ZSWIM6: variants seen among roughly 807,000 people sequenced by gnomAD.
ZSWIM6 encodes zinc finger SWIM domain-containing protein 6.
In ZSWIM6, 9 loss-of-function variants were observed where a neutral mutation model predicts 113.2. That is an observed-to-expected ratio of 0.08 (90% CI 0.05 to 0.14). ZSWIM6 has a LOEUF of 0.14. Ranked by LOEUF, ZSWIM6 falls within the 10% of genes least tolerant of loss-of-function variation. The probability of loss-of-function intolerance (pLI) is 1.00; values close to 1 mark genes in which losing one functional copy is unlikely to be tolerated. For missense variants in ZSWIM6, 1,162 were observed against 1,552.2 expected (o/e 0.75, Z 4.22); for synonymous variants, 611 against 606.5 (o/e 1.01, Z -0.11).
chr5:61,512,358 T>G (rs1430417292), intron 4 of ZSWIM6, among the ~76,000 whole-genome samples: 1 of 152,196 alleles, frequency 6.6e-6, no homozygotes, highest in African/African-American at 2.4e-5. Context: ...TGTTTATCCA[T>G]TCACCAGTTG....
chr5:61,397,658 A>C (rs977281978), intron 1 of ZSWIM6, among the ~76,000 whole-genome samples: 8 of 152,232 alleles, frequency 5.3e-5, no homozygotes, highest in Non-Finnish European at 1.0e-4. Flanking sequence ...TACTAAAGGA[A>C]AATGTTAAAT....
At chr5:61,448,142 C>A (rs929002949) in intron 1 of ZSWIM6, among the ~76,000 whole-genome samples, 2 of 152,174 alleles carry the variant, frequency 1.3e-5, no homozygotes. Context: ...GGATCAATTT[C>A]TGTGTTTATT....
At chr5:61,525,219 C>G (rs1443389441) in intron 5 of ZSWIM6, among the ~76,000 whole-genome samples, 1 of 152,086 alleles carries the variant, frequency 6.6e-6, no homozygotes, top group Non-Finnish European at 1.5e-5. Context: ...CATTTATGCC[C>G]TTTGGGATAT....
intron 8 of ZSWIM6, 30 bp from the exon 9 acceptor site, chr5:61,531,435 A>G: frequency 6.5e-7 from 1 of 1,527,318 alleles, no homozygotes; most frequent in Non-Finnish European, 8.9e-7. Flanking sequence ...GTAGTTTCTG[A>G]GCTCTGATTT....
At chr5:61,358,382 A>T (rs544483136) in intron 1 of ZSWIM6, among the ~76,000 whole-genome samples, 36 of 152,180 alleles carry the variant, frequency 2.4e-4, no homozygotes, top group Non-Finnish European at 3.7e-4. Context: ...CTGTTATTTG[A>T]AGCAGTATTG....
At position 61,332,902 on chromosome 5, in the gene ZSWIM6, C is replaced by T; in HGVS notation, c.630C>T (p.Gly210=). The change falls in exon 1 of 14, where the codon GGC becomes GGT. Residue 210 remains glycine (G), a synonymous_variant. Transcript: ENST00000252744. ...AGACGCGGCTGCCTTTCCGCCGGGG[C>T]ATCGCGCTGTTGGAAAGCGGCTGCG... ...GDETRLPFRR[G]IALLESGCVD... 1 of 1,354,456 alleles carries T rather than the reference C, an allele frequency of 7.4e-7. No homozygotes were observed. Among genetic ancestry groups the T allele is most frequent in the Non-Finnish European group, 9.6e-7 (1 of 1,040,754 alleles). 83.9% of individuals were successfully genotyped at this position (1,354,456 alleles called of 1,614,324 possible).
At chr5:61,457,704 G>C (rs544561421) in intron 1 of ZSWIM6, among the ~76,000 whole-genome samples, 2 of 152,048 alleles carry the variant, frequency 1.3e-5, no homozygotes, top group South Asian at 4.2e-4. Context: ...TGTATTTTTA[G>C]TAGAGATGGG....
chr5:61,418,226 C>A (rs1369175802), intron 1 of ZSWIM6, among the ~76,000 whole-genome samples: 1 of 152,046 alleles, frequency 6.6e-6, no homozygotes, highest in Non-Finnish European at 1.5e-5. Context: ...AATTTTAACA[C>A]AAAGAAGGAT....
Position 61,428,539 on chromosome 5 carries a change from A to ATT in ZSWIM6, c.677-44129_677-44128dup, listed in dbSNP as rs11429841. Among the ~76,000 whole-genome samples the ATT allele has an allele frequency of 9.2e-3, 1,361 of 147,394 alleles. 14 individuals are homozygous for ATT. Among genetic ancestry groups the ATT allele is most frequent in the African/African-American group, 0.028 (1,112 of 40,098 alleles). The stretch of plus-strand genomic sequence containing the variant: ...CGCTACACGCAGCTAACTTAAAACA[A>ATT]TTTTTTTTTTTTTTATAGACAGGGT... On this transcript the variant is annotated intron_variant, in intron 1 of 13. Transcript: ENST00000252744.
rs893265246 is a variant in ZSWIM6, at chr5:61,342,604, A to G, written c.676+9656A>G. Among the ~76,000 whole-genome samples, 37 of 152,224 alleles carry G rather than the reference A, an allele frequency of 2.4e-4. 1 individual carries two copies. Among genetic ancestry groups the G allele is most frequent in the Admixed American group, 1.3e-4 (2 of 15,280 alleles). ...CCTATTCCAGAAGGTTTAGCTTTAC[A>G]GTGTGTTGCTACTTTCTAGAGTGAC... On this transcript the variant is annotated intron_variant, in intron 1 of 13. Coordinates refer to ENST00000252744, the MANE Select transcript of ZSWIM6 (RefSeq NM_020928.2).
rs1745473701 is a variant in ZSWIM6 at position 61,381,456 on chromosome 5, T to TC, written c.676+48510dup. Reference sequence around the variant, plus strand: ...GTGAAAATTATCTTCAGCATTTTTTTCCTTTATGACTCTATTGAATTTAAA... The same window carrying TC: ...GTGAAAATTATCTTCAGCATTTTTTTCCCTTTATGACTCTATTGAATTTAAA... On this transcript the variant is annotated intron_variant, in intron 1 of 13. Coordinates refer to ENST00000252744, the MANE Select transcript of ZSWIM6 (RefSeq NM_020928.2). 2.0e-5 allele frequency among the ~76,000 whole-genome samples: 3 copies of TC among 152,360 alleles called. No individual in the cohort carries two copies. The South Asian group carries it at 6.2e-4, about 32-fold the overall frequency.
intron 4 of ZSWIM6, among the ~76,000 whole-genome samples, chr5:61,512,429 T>C (rs1748813915): frequency 6.6e-6 from 1 of 152,174 alleles, no homozygotes; most frequent in South Asian, 2.1e-4. Context: ...ATAAACATTC[T>C]TGTACAAGTT....
Position 61,544,028 on chromosome 5 carries a change from G to C in ZSWIM6, c.3359G>C (p.Gly1120Ala). ...RCTLTTPGMV[G>A]LHGRRNSGKL... is the part of the protein sequence containing the mutation. ...ACTCTGACCACTCCTGGCATGGTGG[G>C]ACTTCATGGGAGGAGGAACTCTGGT... is the stretch of plus-strand genomic sequence containing the variant. Residue 1120 changes from glycine to alanine, a missense_variant, in exon 14 of 14, where the codon GGA becomes GCA. This residue lies in a region of ZSWIM6 where 113 missense variants were observed against 213.8 expected (regional missense o/e 0.53). Coordinates refer to ENST00000252744, the MANE Select transcript of ZSWIM6 (RefSeq NM_020928.2). The C allele has an allele frequency of 6.4e-7, 1 of 1,552,038 alleles. No homozygotes were observed. The highest frequency in any genetic ancestry group is 8.7e-7 in the Non-Finnish European group (1 of 1,147,068).
intron 1 of ZSWIM6, among the ~76,000 whole-genome samples, chr5:61,441,504 C>T (rs985118458): frequency 2.0e-5 from 3 of 152,146 alleles, no homozygotes. Flanking sequence ...TAAATGTATA[C>T]ATTTGAATAT....
At chr5:61,455,423 C>T (rs1747184644) in intron 1 of ZSWIM6, among the ~76,000 whole-genome samples, 1 of 152,154 alleles carries the variant, frequency 6.6e-6, no homozygotes, top group African/African-American at 2.4e-5. Context: ...TAAGCCTGAA[C>T]TCAGAAGAAA....
chr5:61,337,284 C>CG (rs1043399383), intron 1 of ZSWIM6, among the ~76,000 whole-genome samples: 4 of 147,280 alleles, frequency 2.7e-5, no homozygotes, highest in African/African-American at 7.5e-5. Context: ...GTCTCCCCCC[C>CG]CAAAAAAAAC....
intron 1 of ZSWIM6, among the ~76,000 whole-genome samples, chr5:61,383,810 G>A (rs1172688398): frequency 6.6e-6 from 1 of 151,486 alleles, no homozygotes; most frequent in African/African-American, 2.4e-5. Context: ...GCCTCCCAAA[G>A]TGCTGGGATT....
chr5:61,435,153 A>G (rs947033312), intron 1 of ZSWIM6, among the ~76,000 whole-genome samples: 1 of 152,190 alleles, frequency 6.6e-6, no homozygotes, highest in African/African-American at 2.4e-5. Flanking sequence ...GAAAATATGA[A>G]GATGTCTTAA....
intron 1 of ZSWIM6, chr5:61,390,932 A>T (rs2112091673): frequency 1.2e-6 from 1 of 810,034 alleles, no homozygotes; most frequent in African/African-American, 1.7e-5. Context: ...AGGCCCCCAG[A>T]GGGTGGCTTG....
Sources: allele counts gnomAD v4.1 joint callset (sites outside exome capture counted in the v4.1 genomes callset), GRCh38; gene constraint gnomAD v4.1.1; regional missense constraint gnomAD v4.1.1; transcripts MANE v1.5; gene names NCBI Gene and HGNC (gene_info 2026-07-23, HGNC 2026-07-21).